Variants in CACNA1C observed in about 807,000 individuals in gnomAD.
CACNA1C encodes the protein voltage-dependent L-type calcium channel subunit alpha-1C.
A neutral mutation model predicts 229.0 loss-of-function variants in CACNA1C; 30 were observed. That is an observed-to-expected ratio of 0.13 (90% CI 0.10 to 0.18). CACNA1C has a LOEUF of 0.18. Ranked by LOEUF, CACNA1C falls within the 10% of genes least tolerant of loss-of-function variation. The pLI, the probability that CACNA1C is intolerant of heterozygous loss-of-function variation, is 1.00. For synonymous variants in CACNA1C, 1,114 were observed against 1,132.5 expected (o/e 0.98, Z 0.33); for missense variants, 1,658 against 2,845.0 (o/e 0.58, Z 9.49).
At chr12:2,505,534 GCACACCTGTAGACC>G (rs1406372670) in intron 8 of CACNA1C, among the ~76,000 whole-genome samples, 4 of 152,270 alleles carry the variant, frequency 2.6e-5, no homozygotes, top group Admixed American at 6.5e-5. Context: ...GCATGGTGGT[GCACACCTGTAGACC>G]CAGCAACTCA....
intron 15 of CACNA1C, among the ~76,000 whole-genome samples, chr12:2,583,466 G>T (rs1033418046): frequency 3.9e-5 from 6 of 152,286 alleles, no homozygotes; most frequent in African/African-American, 1.4e-4. Context: ...CCTGATCCCG[G>T]CTGGGGCAGG....
intron 3 of CACNA1C, among the ~76,000 whole-genome samples, chr12:2,166,358 T>C (rs1192378809): frequency 6.6e-6 from 1 of 152,254 alleles, no homozygotes; most frequent in Non-Finnish European, 1.5e-5. Context: ...GCAAGCAGCA[T>C]GTGCTCAGGT....
intron 3 of CACNA1C, among the ~76,000 whole-genome samples, chr12:2,345,307 T>TACGCC (rs2096980855): frequency 1.3e-5 from 2 of 151,752 alleles, no homozygotes; most frequent in Non-Finnish European, 1.5e-5. Flanking sequence ...GCTCCCCCTG[T>TACGCC]ACGCCAGGCA....
At chr12:2,543,693 C>T (rs575518406) in intron 9 of CACNA1C, among the ~76,000 whole-genome samples, 6 of 152,286 alleles carry the variant, frequency 3.9e-5, no homozygotes, top group Admixed American at 6.5e-5. Context: ...AGATCTGAGA[C>T]TTATGTGAAC....
chr12:2,632,034 G>GGA lies in CACNA1C; in HGVS notation c.3829-2258_3829-2257dup, dbSNP rs2090652553. Among the ~76,000 whole-genome samples, 1 of 151,870 alleles carries GGA rather than the reference G, an allele frequency of 6.6e-6. No homozygotes were observed. Among genetic ancestry groups the GGA allele is most frequent in the Non-Finnish European group, 1.5e-5 (1 of 67,954 alleles). ...AGTTGGCAGCCTTCAAGTGAGCTGG[G>GGA]GAGAGATCTGGGGAACCTCTCGGAG... On this transcript the variant is annotated intron_variant, in intron 29 of 46. Transcript: ENST00000399655. This position sits in a 1 kb window ranked among gnomAD's most constrained non-coding sequence, Gnocchi z 4.1.
At chr12:2,401,354 C>A (rs2098674475) in intron 3 of CACNA1C, among the ~76,000 whole-genome samples, 1 of 152,294 alleles carries the variant, frequency 6.6e-6, no homozygotes, top group Middle Eastern at 3.4e-3. Flanking sequence ...TTCAGCTGCA[C>A]CTTTAAAGAA....
chr12:2,507,672 C>T (rs2099774754), intron 8 of CACNA1C, among the ~76,000 whole-genome samples: 3 of 152,224 alleles, frequency 2.0e-5, no homozygotes, highest in South Asian at 2.1e-4. Flanking sequence ...TCGCTAGATT[C>T]GCTCAGTTAA....
chr12:2,213,027 A>G (rs1466445852), intron 3 of CACNA1C, among the ~76,000 whole-genome samples: 1 of 152,194 alleles, frequency 6.6e-6, no homozygotes, highest in African/African-American at 2.4e-5. Context: ...TAGCATGCTT[A>G]TAAAAGCAAC....
chr12:2,310,966 C>T (rs1347760508), intron 3 of CACNA1C, among the ~76,000 whole-genome samples: 1 of 152,148 alleles, frequency 6.6e-6, no homozygotes, highest in Non-Finnish European at 1.5e-5. Context: ...CATAAAGTGC[C>T]TTCTAGAGTC....
chr12:2,076,396 C>T (rs1217204300), intron 1 of CACNA1C, among the ~76,000 whole-genome samples: 1 of 152,080 alleles, frequency 6.6e-6, no homozygotes, highest in Non-Finnish European at 1.5e-5. Flanking sequence ...AATAAAGGGG[C>T]TCGTACACAT....
At chr12:2,171,572 C>A (rs1004315100) in intron 3 of CACNA1C, among the ~76,000 whole-genome samples, 1 of 152,204 alleles carries the variant, frequency 6.6e-6, no homozygotes, top group African/African-American at 2.4e-5. Flanking sequence ...TCTCTTCTTT[C>A]CTCCCTCCCT....
In CACNA1C at chr12:2,434,741, A is replaced by G. The variant is rs138641091; in HGVS notation, c.478-14235A>G. Among the ~76,000 whole-genome samples, 939 of 152,294 alleles carry G rather than the reference A, an allele frequency of 6.2e-3. 14 individuals carry two copies. The highest frequency in any genetic ancestry group is 0.022 in the African/African-American group (906 of 41,542). On this transcript the variant is annotated intron_variant, in intron 3 of 46. Coordinates refer to ENST00000399655, the MANE Select transcript of CACNA1C (RefSeq NM_000719.7). ...CCTTTCATTCTTCCAGCCGTTCTGA[A>G]TGAAGTCTGAAGGCCACGTTTGATA...
At chr12:2,256,642 C>T (rs894648642) in intron 3 of CACNA1C, among the ~76,000 whole-genome samples, 1 of 152,120 alleles carries the variant, frequency 6.6e-6, no homozygotes, top group Non-Finnish European at 1.5e-5. Flanking sequence ...AAGCAGATGG[C>T]GCGTTTCCAG....
intron 1 of CACNA1C, among the ~76,000 whole-genome samples, chr12:2,001,990 G>T (rs2042293374): frequency 6.6e-6 from 1 of 152,218 alleles, no homozygotes; most frequent in East Asian, 1.9e-4. Context: ...TGACACATAG[G>T]TATTAATATT....
chr12:2,527,048 T>C (rs764883302), intron 9 of CACNA1C, among the ~76,000 whole-genome samples: 1 of 152,204 alleles, frequency 6.6e-6, no homozygotes. Flanking sequence ...TTGATAAAGT[T>C]ATTCAGTGTT....
intron 5 of CACNA1C, among the ~76,000 whole-genome samples, chr12:2,484,548 G>T (rs768564896): frequency 3.3e-5 from 5 of 152,132 alleles, no homozygotes; most frequent in Non-Finnish European, 7.4e-5. Context: ...GCCTGGAGGG[G>T]AGCCTCCCGA....
chr12:2,438,190 A>G, intron 3 of CACNA1C, among the ~76,000 whole-genome samples: 3 of 110,704 alleles, frequency 2.7e-5, no homozygotes, highest in South Asian at 3.5e-4. Flanking sequence ...ATGGTGGGAT[A>G]ATGACGGCGA....
chr12:2,585,426 G>C lies in CACNA1C; in HGVS notation c.2390G>C (p.Gly797Ala), dbSNP rs1200916501. The change falls in exon 17 of 47, where the codon GGG becomes GCG. Residue 797 changes from glycine (G) to alanine (A), a missense_variant. By Grantham distance (60) the Gly-to-Ala change is moderately conservative (BLOSUM62 0). Coordinates refer to ENST00000399655, the MANE Select transcript of CACNA1C (RefSeq NM_000719.7). The surrounding 1 kb of genome is among the most constrained non-coding windows in gnomAD (Gnocchi z 4.1). ...GAGTTGGTGGAGAAGCCGGCAGTGG[G>C]GGAATCCAAGGAGGAGAAGATTGAG... ...KQELVEKPAV[G>A]ESKEEKIELK... 8 of 1,608,856 alleles carry C rather than the reference G, an allele frequency of 5.0e-6. No individual in the cohort carries two copies. The highest frequency in any genetic ancestry group is 5.9e-6 in the Non-Finnish European group (7 of 1,177,506).
chr12:2,450,247 A>G (rs993720329), intron 4 of CACNA1C, among the ~76,000 whole-genome samples: 5 of 152,154 alleles, frequency 3.3e-5, no homozygotes, highest in Non-Finnish European at 7.4e-5. Context: ...ACACTGGTGA[A>G]GTGTAAGTTA....
Sources: gnomAD v4.1 joint callset for allele counts (sites outside exome capture counted in the v4.1 genomes callset) on GRCh38, gnomAD v4.1.1 for gene constraint, Gnocchi (gnomAD v3.1) non-coding constraint, MANE v1.5 for transcripts, NCBI Gene and HGNC (gene_info 2026-07-23, HGNC 2026-07-21) for gene names.